The following MID1 variants were observed in gnomAD, a reference collection of about 807,000 sequenced individuals.
MID1 encodes midline 1, also known as E3 ubiquitin-protein ligase Midline-1.
In MID1, 7 loss-of-function variants were observed where a neutral mutation model predicts 40.4. The ratio of observed to expected loss-of-function variants is 0.17; its 90% confidence interval spans 0.10 to 0.33. MID1 has a LOEUF of 0.33. MID1 is among the 10% of genes least tolerant of loss of function. The pLI is 1.00. For missense variants in MID1, 367 were observed against 558.5 expected, an observed-to-expected ratio of 0.66 and a Z score of 3.46; for synonymous variants, 229 against 221.2, an observed-to-expected ratio of 1.04 and a Z score of -0.31.
chrX:10,803,045 G>A (rs1244314981), intron 1 of MID1, among the ~76,000 whole-genome samples: 1 of 110,722 alleles, frequency 9.0e-6, no homozygotes. Flanking sequence ...GAGGGATGGG[G>A]GCAAGGGCTG....
intron 1 of MID1, among the ~76,000 whole-genome samples, chrX:10,826,769 T>C (rs2044219152): frequency 8.9e-6 from 1 of 112,673 alleles, no homozygotes; most frequent in South Asian, 3.7e-4. Context: ...TGATATTTCA[T>C]CAATGTTTGT....
rs970274272 is a variant in MID1, at chrX:10,564,068, A to G, written c.660+2820T>C. Among the ~76,000 whole-genome samples, 3 of 112,231 alleles carry G rather than the reference A, an allele frequency of 2.7e-5. No individual in the cohort carries two copies. In the Admixed American group the frequency reaches 2.8e-4, roughly 11 times the overall value. ...AGGGTCCTTACATATGCAAATTAAT[A>G]AAGCAAATCTATTGTCTTATCAATG... is the stretch of plus-strand genomic sequence containing the variant. On this transcript the variant is annotated intron_variant, in intron 2 of 9. Transcript: ENST00000317552.
upstream of MID1, among the ~76,000 whole-genome samples, chrX:10,621,579 A>G (rs150843180): frequency 0.026 from 2,933 of 111,249 alleles, 47 homozygotes; most frequent in African/African-American, 0.058. Flanking sequence ...TAAAGATTTT[A>G]AATGTGTTGG....
Position 10,597,787 on chromosome X carries a change from A to C in MID1, c.-57+22503T>G, listed in dbSNP as rs182817363. ...TCAGAAGATGATTTTTTCCATTTTAAATTTATCAACCTTGAATACATTTTT... is the reference window on the plus strand; with the variant it reads ...TCAGAAGATGATTTTTTCCATTTTACATTTATCAACCTTGAATACATTTTT... On this transcript the variant is annotated intron_variant, in intron 1 of 9. Coordinates refer to ENST00000317552, the MANE Select transcript of MID1 (RefSeq NM_000381.4). Among the ~76,000 whole-genome samples, 382 of 111,847 alleles carry C rather than the reference A, an allele frequency of 3.4e-3. 1 individual carries two copies. The highest frequency in any genetic ancestry group is 5.8e-3 in the Non-Finnish European group (307 of 53,237).
At chrX:10,449,895 A>G (rs1255105755) in intron 9 of MID1, among the ~76,000 whole-genome samples, 179 bp from the exon 10 acceptor site, 1 of 111,960 alleles carries the variant, frequency 8.9e-6, no homozygotes, top group East Asian at 2.8e-4. Flanking sequence ...CTTCCCTCCC[A>G]AACATGGAAA....
At chrX:10,465,212 TATAC>T (rs1556005708) in intron 7 of MID1, among the ~76,000 whole-genome samples, 143 of 56,000 alleles carry the variant, frequency 2.6e-3, no homozygotes, top group Middle Eastern at 8.3e-3. Flanking sequence ...TATATATATA[TATAC>T]ACACACACAC....
intron 1 of MID1, among the ~76,000 whole-genome samples, chrX:10,716,829 A>G (rs1379372768): frequency 4.5e-5 from 5 of 111,717 alleles, no homozygotes; most frequent in South Asian, 3.8e-4. Context: ...AAGCCCATCA[A>G]ACTAACAGCT....
At chrX:10,601,906 T>G (rs1189425748) in intron 1 of MID1, among the ~76,000 whole-genome samples, 4 of 107,016 alleles carry the variant, frequency 3.7e-5, no homozygotes, top group South Asian at 4.1e-4. Context: ...TTTTTGTTTT[T>G]TTTTTTTTGA....
At chrX:10,651,140 C>T (rs1354599181) in intron 1 of MID1, among the ~76,000 whole-genome samples, 1 of 111,933 alleles carries the variant, frequency 8.9e-6, no homozygotes, top group African/African-American at 3.3e-5. Context: ...TACCATCTTA[C>T]AGGACCTCAG....
intron 1 of MID1, among the ~76,000 whole-genome samples, chrX:10,687,728 T>A (rs5979341): frequency 8.9e-6 from 1 of 111,879 alleles, no homozygotes; most frequent in Admixed American, 9.5e-5. Flanking sequence ...AAACATTTTT[T>A]AAAAAGACAG....
chrX:10,799,021 T>C (rs2043987069), intron 1 of MID1, among the ~76,000 whole-genome samples: 1 of 111,511 alleles, frequency 9.0e-6, no homozygotes, highest in African/African-American at 3.3e-5. Flanking sequence ...ATAGAGTAAA[T>C]TCTTATTATG....
intron 1 of MID1, among the ~76,000 whole-genome samples, chrX:10,637,407 A>G (rs957503041): frequency 9.1e-6 from 1 of 109,510 alleles, no homozygotes; most frequent in Non-Finnish European, 1.9e-5. Flanking sequence ...CAAAAGATCT[A>G]TGGTATCAGG....
At chrX:10,636,784 GGATATA>G (rs751728161) in intron 1 of MID1, among the ~76,000 whole-genome samples, 2 of 12,158 alleles carry the variant, frequency 1.6e-4, no homozygotes, top group African/African-American at 8.5e-4. Context: ...CCAACAATGG[GGATATA>G]TATATATATA....
At chrX:10,692,639 G>A (rs891473894) in intron 1 of MID1, among the ~76,000 whole-genome samples, 7 of 111,290 alleles carry the variant, frequency 6.3e-5, no homozygotes, top group African/African-American at 2.3e-4. Flanking sequence ...TTATTCATGA[G>A]GTACTTTACA....
chrX:10,709,199 T>C (rs1010960315), intron 1 of MID1, among the ~76,000 whole-genome samples: 1 of 112,392 alleles, frequency 8.9e-6, no homozygotes, highest in Non-Finnish European at 1.9e-5. Context: ...CAACTCTCTT[T>C]GGTATGAGTG....
chrX:10,457,764 C>T (rs1359779415), intron 8 of MID1, among the ~76,000 whole-genome samples: 1 of 112,571 alleles, frequency 8.9e-6, no homozygotes. Flanking sequence ...CCTCCTGGCT[C>T]ACCTATCCTC....
chrX:10,571,629 CA>C (rs1005282193), intron 1 of MID1, among the ~76,000 whole-genome samples: 17 of 109,745 alleles, frequency 1.5e-4, no homozygotes, highest in African/African-American at 5.3e-4. Flanking sequence ...AAAATATGAA[CA>C]AGGCCAGGTG....
chrX:10,687,971 G>A (rs1341387460), intron 1 of MID1, among the ~76,000 whole-genome samples: 2 of 110,994 alleles, frequency 1.8e-5, no homozygotes, highest in African/African-American at 6.6e-5. Context: ...TCCTCCCGTC[G>A]CTTCCCCAGA....
At chrX:10,513,486 T>C (rs749009772) in intron 3 of MID1, among the ~76,000 whole-genome samples, 16 of 112,175 alleles carry the variant, frequency 1.4e-4, no homozygotes, top group Non-Finnish European at 2.6e-4. Flanking sequence ...AAAGTTGAGT[T>C]AGAAATAACA....
Sources: gnomAD v4.1 joint callset for allele counts (sites outside exome capture counted in the v4.1 genomes callset) on GRCh38, gnomAD v4.1.1 for gene constraint, MANE v1.5 for transcripts, NCBI Gene and HGNC (gene_info 2026-07-23, HGNC 2026-07-21) for gene names.